The following PCCA variants were observed in gnomAD, a reference collection of about 807,000 sequenced individuals.
The protein encoded by PCCA is propionyl-CoA carboxylase subunit alpha, also known as propionyl-CoA carboxylase alpha chain, mitochondrial.
A neutral mutation model predicts 101.3 loss-of-function variants in PCCA; 74 were observed. The ratio of observed to expected loss-of-function variants is 0.73; its 90% CI spans 0.61 to 0.89. PCCA has a LOEUF of 0.89. Among genes scored for constraint, PCCA ranks in the 40% least tolerant of loss-of-function variants. The pLI is 0.00. For missense variants in PCCA, 891 were observed against 907.0 expected, an observed-to-expected ratio of 0.98 and a Z score of 0.23; for synonymous variants, 294 against 313.6, an observed-to-expected ratio of 0.94 and a Z score of 0.66.
At chr13:100,347,797 TACA>T (rs760425755) in intron 18 of PCCA, among the ~76,000 whole-genome samples, 4 of 152,344 alleles carry the variant, frequency 2.6e-5, no homozygotes, top group Non-Finnish European at 4.4e-5. Flanking sequence ...TTATTTTCTA[TACA>T]ACAAGCAATT....
At chr13:100,106,513 C>T (rs898847441) in intron 2 of PCCA, among the ~76,000 whole-genome samples, 5 of 152,048 alleles carry the variant, frequency 3.3e-5, no homozygotes, top group African/African-American at 4.8e-5. Context: ...CGAGTTCAAG[C>T]GATTCTCCTG....
At chr13:100,447,716 A>T (rs1032728641) in intron 20 of PCCA, among the ~76,000 whole-genome samples, 1 of 152,008 alleles carries the variant, frequency 6.6e-6, no homozygotes, top group Non-Finnish European at 1.5e-5. Context: ...AAATGCTCCC[A>T]TACTGATTTT....
At chr13:100,268,531 C>G (rs1430095224) in intron 10 of PCCA, 158 bp from the exon 11 acceptor site, 5 of 723,358 alleles carry the variant, frequency 6.9e-6, no homozygotes, top group Non-Finnish European at 1.3e-5. Context: ...ATATAGTTTT[C>G]CTTTGTTAAC....
chr13:100,371,424 A>G lies in PCCA; in HGVS notation c.1746+2850A>G, dbSNP rs533695345. On this transcript the variant is annotated intron_variant, in intron 19 of 23. Transcript: ENST00000376285. ...AAGAGCTTAAAAAAGACACAAATAT[A>G]TGGAAGGGTATCTTGTGTCAGGGAC... Among the ~76,000 whole-genome samples, 185 of 152,316 alleles carry G rather than the reference A, an allele frequency of 1.2e-3. 1 individual carries two copies. Among genetic ancestry groups the G allele is most frequent in the African/African-American group, 4.1e-3 (172 of 41,576 alleles).
chr13:100,501,700 C>T (rs143573417), intron 21 of PCCA, among the ~76,000 whole-genome samples: 2,650 of 149,168 alleles, frequency 0.018, 82 homozygotes, highest in African/African-American at 0.06. Flanking sequence ...AGTGAAACCC[C>T]GTCTCTACTA....
chr13:100,426,835 A>G (rs779000822), intron 20 of PCCA, among the ~76,000 whole-genome samples: 1 of 152,132 alleles, frequency 6.6e-6, no homozygotes, highest in Non-Finnish European at 1.5e-5. Context: ...ATCAGTATAA[A>G]TTATGAGTTG....
intron 16 of PCCA, among the ~76,000 whole-genome samples, chr13:100,320,391 C>T (rs1595315676): frequency 6.6e-6 from 1 of 152,216 alleles, no homozygotes; most frequent in African/African-American, 2.4e-5. Flanking sequence ...GAGGCCATCC[C>T]TGTCTTGTGC....
chr13:100,450,612 CAA>C (rs1425066745), intron 21 of PCCA, among the ~76,000 whole-genome samples: 1 of 151,956 alleles, frequency 6.6e-6, no homozygotes, highest in Non-Finnish European at 1.5e-5. Context: ...GCAAGAATAT[CAA>C]GAGGTATTTC....
chr13:100,142,384 C>T (rs1405611379), intron 4 of PCCA, among the ~76,000 whole-genome samples: 1 of 152,116 alleles, frequency 6.6e-6, no homozygotes, highest in Non-Finnish European at 1.5e-5. Flanking sequence ...GTGTCTTTAA[C>T]CCGTCTTTAT....
rs558408241 is a variant in PCCA at position 100,507,391 on chromosome 13, G to A, written c.1900-8036G>A. Among the ~76,000 whole-genome samples, 4 of 152,298 alleles carry A rather than the reference G, an allele frequency of 2.6e-5. No homozygotes were observed. In the South Asian group the frequency reaches 8.3e-4, roughly 32 times the overall value. On this transcript the variant is annotated intron_variant, in intron 21 of 23. Transcript: ENST00000376285. Reference sequence around the variant, plus strand: ...GCACTATGGCGCCACACTCCAGGTAGGCTGCTGTCATTAACAGACTTGCTC... The same window carrying A: ...GCACTATGGCGCCACACTCCAGGTAAGCTGCTGTCATTAACAGACTTGCTC...
At chr13:100,328,449 G>C (rs1196529584) in intron 16 of PCCA, among the ~76,000 whole-genome samples, 1 of 149,448 alleles carries the variant, frequency 6.7e-6, no homozygotes, top group East Asian at 1.9e-4. Flanking sequence ...CTTCTCTCAG[G>C]CTGTAGTTTG....
At chr13:100,274,896 A>G (rs1345394878) in intron 12 of PCCA, among the ~76,000 whole-genome samples, 2 of 152,102 alleles carry the variant, frequency 1.3e-5, no homozygotes, top group Admixed American at 1.3e-4. Context: ...TGGCCTACAG[A>G]GATAAATAGA....
At chr13:100,375,797 TA>T (rs1392077571) in intron 19 of PCCA, among the ~76,000 whole-genome samples, 2 of 152,174 alleles carry the variant, frequency 1.3e-5, no homozygotes, top group Non-Finnish European at 2.9e-5. Flanking sequence ...ATAACAATAT[TA>T]ACCTTAAATG....
intron 19 of PCCA, among the ~76,000 whole-genome samples, chr13:100,400,626 A>T (rs80191999): frequency 0.029 from 1,333 of 46,496 alleles, 80 homozygotes; most frequent in East Asian, 0.1. Context: ...AGTTCTTTTT[A>T]GTTCTTTTTT....
chr13:100,176,298 A>T (rs1566639608), intron 6 of PCCA, among the ~76,000 whole-genome samples: 1 of 152,220 alleles, frequency 6.6e-6, no homozygotes, highest in Non-Finnish European at 1.5e-5. Flanking sequence ...ATATATTAAA[A>T]TGAAGCATTT....
At chr13:100,091,719 C>G (rs1447064852) in intron 1 of PCCA, among the ~76,000 whole-genome samples, 1 of 152,096 alleles carries the variant, frequency 6.6e-6, no homozygotes, top group East Asian at 1.9e-4. Flanking sequence ...TTTAGCCAGT[C>G]AACAGAGTTT....
chr13:100,415,545 A>G (rs529778035), intron 19 of PCCA, among the ~76,000 whole-genome samples: 1 of 152,352 alleles, frequency 6.6e-6, no homozygotes, highest in East Asian at 1.9e-4. Flanking sequence ...ATATAACTTG[A>G]CCAACAAATC....
chr13:100,405,264 G>T (rs2077605741), intron 19 of PCCA, among the ~76,000 whole-genome samples: 1 of 152,190 alleles, frequency 6.6e-6, no homozygotes, highest in Admixed American at 6.5e-5. Flanking sequence ...GGATTTACAG[G>T]ATAATTGCTC....
chr13:100,502,193 G>C (rs931317088), intron 21 of PCCA, among the ~76,000 whole-genome samples: 1 of 152,186 alleles, frequency 6.6e-6, no homozygotes, highest in Non-Finnish European at 1.5e-5. Context: ...TTGTGAGCTT[G>C]ATAAAAGTGA....
Sources: allele counts gnomAD v4.1 joint callset (sites outside exome capture counted in the v4.1 genomes callset), GRCh38; gene constraint gnomAD v4.1.1; transcripts MANE v1.5; gene names NCBI Gene and HGNC (gene_info 2026-07-23, HGNC 2026-07-21).